FAM217A: variants seen among roughly 807,000 people sequenced by gnomAD.
FAM217A encodes protein FAM217A.
FAM217A carries 13 observed loss-of-function variants against 18.5 expected under a neutral mutation model. That is an observed-to-expected ratio of 0.70 (90% confidence interval 0.46 to 1.12). The LOEUF (loss-of-function observed/expected upper bound fraction) is 1.12. Ranked by LOEUF, FAM217A falls within the 50% of genes most tolerant of loss-of-function variation. The pLI, the probability that FAM217A is intolerant of heterozygous loss-of-function variation, is 0.00. For synonymous variants in FAM217A, 161 were observed against 202.8 expected (o/e 0.79, Z 1.75); for missense variants, 560 against 575.4 (o/e 0.97, Z 0.27).
rs200030555 is a variant in FAM217A at position 4,073,289 on chromosome 6, A to G, written c.288T>C (p.Ser96=). The change falls in exon 6 of 7, where the codon AGT becomes AGC. Residue 96 remains serine, a synonymous_variant. Coordinates refer to ENST00000274673, the MANE Select transcript of FAM217A (RefSeq NM_173563.3). ...QLWNCPLNEG[S]TIEKREFKKS... ...TACTCGCTTACCTCTTCTCTATGGTACTTCCTTCATTAAGAGGACAATTCC... is the reference window on the plus strand; with the variant it reads ...TACTCGCTTACCTCTTCTCTATGGTGCTTCCTTCATTAAGAGGACAATTCC... 134 of 1,607,954 alleles carry G rather than the reference A, an allele frequency of 8.3e-5. No homozygotes were observed. Among genetic ancestry groups the G allele is most frequent in the Non-Finnish European group, 1.1e-4 (128 of 1,178,156 alleles).
In FAM217A at chr6:4,068,658, G is replaced by C; in HGVS notation, c.*38C>G. The C allele has an allele frequency of 6.5e-7, 1 of 1,543,948 alleles. No individual in the cohort carries two copies. Among genetic ancestry groups the C allele is most frequent in the African/African-American group, 1.4e-5 (1 of 72,468 alleles). On this transcript the variant is annotated 3_prime_UTR_variant, in exon 7 of 7. Transcript: ENST00000274673. ...CCATATCTTAGTTGGGCTTCTTAGA[G>C]TAGATGTGTTCACATTGAGATGTAT... is the stretch of plus-strand genomic sequence containing the variant.
intron 6 of FAM217A, 29 bp downstream of exon 6, chr6:4,073,246 A>G (rs747039483): frequency 6.7e-7 from 1 of 1,486,642 alleles, no homozygotes; most frequent in South Asian, 1.2e-5. Flanking sequence ...TCAGTAATTT[A>G]GGGTGTTACA....
At position 4,069,559 on chromosome 6, in the gene FAM217A, C is replaced by A. The variant is rs756780516; in HGVS notation, c.664G>T (p.Val222Leu). ...GTTTCTGGCTTCAAGTTCAGGTCCA[C>A]CTTTTTAAAATAGCTGAGTAAAGTA... ...NDTLLSYFKK[V>L]DLNLKPETIK... The change falls in exon 7 of 7, where the codon GTG becomes TTG. Residue 222 changes from valine to leucine, a missense_variant. Physicochemically the swap from Val to Leu is conservative, Grantham distance 32. Transcript: ENST00000274673. 2 of 1,614,072 alleles carry A rather than the reference C, an allele frequency of 1.2e-6. No individual in the cohort carries two copies. The highest frequency in any genetic ancestry group is 1.7e-6 in the Non-Finnish European group (2 of 1,180,010).
At position 4,074,481 on chromosome 6, in the gene FAM217A, A is replaced by T. The variant is rs1769638075; in HGVS notation, c.146-25T>A. Reference sequence around the variant, plus strand: ...CCTGAAATGTGTATAAAAAATGACAATTAATAGTTACATAAAACTGATTAT... The same window carrying T: ...CCTGAAATGTGTATAAAAAATGACATTTAATAGTTACATAAAACTGATTAT... On this transcript the variant is annotated intron_variant, in intron 3 of 6. Transcript: ENST00000274673. 4 of 1,585,814 alleles carry T rather than the reference A, an allele frequency of 2.5e-6. No individual in the cohort carries two copies. The African/African-American group carries it at 5.4e-5, about 21-fold the overall frequency.
upstream of FAM217A, chr6:4,079,531 T>G: frequency 2.8e-6 from 3 of 1,078,544 alleles, no homozygotes; most frequent in Non-Finnish European, 3.7e-6. Context: ...TCCCCAGGCC[T>G]TCCCCGAGGC....
At chr6:4,076,584 A>G (rs1430201291) in intron 2 of FAM217A, among the ~76,000 whole-genome samples, 1 of 152,196 alleles carries the variant, frequency 6.6e-6, no homozygotes, top group Non-Finnish European at 1.5e-5. Context: ...CTAAAATAAA[A>G]TTAATGAAAC....
At chr6:4,077,603 A>G (rs76370173) in intron 1 of FAM217A, among the ~76,000 whole-genome samples, 155 bp from the exon 2 acceptor site, 1 of 152,150 alleles carries the variant, frequency 6.6e-6, no homozygotes, top group Non-Finnish European at 1.5e-5. Context: ...GACAGTACGA[A>G]ACCAACCAGA....
At chr6:4,074,750 C>T (rs1769663484) in intron 2 of FAM217A, 89 bp from the exon 3 acceptor site, 4 of 948,938 alleles carry the variant, frequency 4.2e-6, no homozygotes, top group East Asian at 4.9e-5. Flanking sequence ...TAAAGTATGA[C>T]GAAAGGCACA....
chr6:4,078,353 A>C (rs1287306210), intron 1 of FAM217A, among the ~76,000 whole-genome samples: 2 of 152,108 alleles, frequency 1.3e-5, no homozygotes, highest in East Asian at 3.9e-4. Flanking sequence ...CACCCGGCCA[A>C]GAATCACAAA....
chr6:4,069,832 C>A lies in FAM217A; in HGVS notation c.391G>T (p.Ala131Ser), dbSNP rs753308327. 2 of 1,614,092 alleles carry A rather than the reference C, an allele frequency of 1.2e-6. No individual in the cohort carries two copies. Among genetic ancestry groups the A allele is most frequent in the Admixed American group, 1.7e-5 (1 of 60,020 alleles). ...GGACCAACTTGCTTATCAACTGAAG[C>A]AATTGTTAATGGGTGGTTCAGAGTG... The part of the protein sequence containing the change: ...VFTLNHPLTI[A>S]SVDKQVGPYP... Residue 131 changes from alanine to serine, a missense_variant, in exon 7 of 7, where the codon GCT becomes TCT. Coordinates refer to ENST00000274673, the MANE Select transcript of FAM217A (RefSeq NM_173563.3).
Position 4,068,477 on chromosome 6 carries a change from T to G in FAM217A, c.*219A>C, listed in dbSNP as rs933510937. 4 of 441,920 alleles carry G rather than the reference T, an allele frequency of 9.1e-6. No homozygotes were observed. Among genetic ancestry groups the G allele is most frequent in the Non-Finnish European group, 1.6e-5 (4 of 253,964 alleles). The allele number at this position is 441,920 out of a possible 1,614,324, so 27.4% of individuals were successfully genotyped here. A position where few individuals can be genotyped will look rare whatever the true frequency, so the allele number is the denominator to read the frequency against. On this transcript the variant is annotated 3_prime_UTR_variant, in exon 7 of 7. Coordinates refer to ENST00000274673, the MANE Select transcript of FAM217A (RefSeq NM_173563.3). ...TGAACCATTTACTTGAAACACAACATGCAAAAGATTGTGAAATATGTCAGT... is the reference window on the plus strand; with the variant it reads ...TGAACCATTTACTTGAAACACAACAGGCAAAAGATTGTGAAATATGTCAGT...
chr6:4,072,979 G>A (rs975617698), intron 6 of FAM217A, among the ~76,000 whole-genome samples: 1 of 152,210 alleles, frequency 6.6e-6, no homozygotes, highest in East Asian at 1.9e-4. Flanking sequence ...TCCCTGGAAT[G>A]CAATACTACT....
In FAM217A at chr6:4,078,933, G is replaced by A; in HGVS notation, c.-116C>T. On this transcript the variant is annotated 5_prime_UTR_variant, in exon 1 of 7. Coordinates refer to ENST00000274673, the MANE Select transcript of FAM217A (RefSeq NM_173563.3). ...CCCGAGCGCCTCCGCGTGCGTGGCT[G>A]ACGGCTTGGAGGGCGCCCCCTCTGC... 1 of 578,892 alleles carries A rather than the reference G, an allele frequency of 1.7e-6. No homozygotes were observed. Among genetic ancestry groups the A allele is most frequent in the South Asian group, 1.9e-5 (1 of 51,330 alleles). The allele number at this position is 578,892 out of a possible 1,614,324, so 35.9% of individuals were successfully genotyped here.
At chr6:4,087,052 T>G (rs948075780), upstream of FAM217A, 1 of 399,104 alleles carries the variant, frequency 2.5e-6, no homozygotes, top group Non-Finnish European at 4.4e-6. Context: ...ACGATGAAGC[T>G]CTTTCCTCAG....
At chr6:4,081,459 C>G (rs1770296221), upstream of FAM217A, among the ~76,000 whole-genome samples, 2 of 152,060 alleles carry the variant, frequency 1.3e-5, no homozygotes, top group Admixed American at 1.3e-4. Flanking sequence ...TTACAGGCAC[C>G]AGCCACCACG....
intron 1 of FAM217A, among the ~76,000 whole-genome samples, chr6:4,085,311 A>AAAAAAAAATATATATAT (rs377046907): frequency 6.8e-6 from 1 of 146,420 alleles, no homozygotes; most frequent in African/African-American, 2.5e-5. Flanking sequence ...TGTAAAAAAA[A>AAAAAAAAATATATATAT]ATATATATAT....
intron 4 of FAM217A, among the ~76,000 whole-genome samples, chr6:4,074,067 G>T (rs1040986093): frequency 7.2e-5 from 11 of 152,084 alleles, no homozygotes; most frequent in African/African-American, 2.7e-4. Flanking sequence ...GCACAGGCTG[G>T]TCTCAAACTC....
upstream of FAM217A, chr6:4,079,500 C>CT: frequency 1.7e-6 from 1 of 577,016 alleles, no homozygotes; most frequent in South Asian, 1.9e-5. Flanking sequence ...CTTCCTGGGC[C>CT]TCCTCGGGCT....
upstream of FAM217A, among the ~76,000 whole-genome samples, chr6:4,083,814 A>G (rs548002491): frequency 1.5e-4 from 23 of 152,278 alleles, 1 homozygote; most frequent in African/African-American, 4.6e-4. Flanking sequence ...TCGGCCTCTC[A>G]GAGTGCTAGG....
Sources: gnomAD v4.1 joint callset for allele counts (sites outside exome capture counted in the v4.1 genomes callset) on GRCh38, gnomAD v4.1.1 for gene constraint, MANE v1.5 for transcripts, NCBI Gene and HGNC (gene_info 2026-07-23, HGNC 2026-07-21) for gene names.